The following PPFIBP2 variants were observed in gnomAD, a reference collection of about 807,000 sequenced individuals.
PPFIBP2 encodes the protein PPFIB scaffold protein 2, also known as liprin-beta-2.
A neutral mutation model predicts 118.3 loss-of-function variants in PPFIBP2; 118 were observed. The ratio of observed to expected loss-of-function variants is 1.00; its 90% CI spans 0.86 to 1.16. The LOEUF is 1.16. Among genes scored for constraint, PPFIBP2 ranks in the 50% most tolerant of loss-of-function variants. The pLI is 0.00. For missense variants in PPFIBP2, 1,195 were observed against 1,073.1 expected (o/e 1.11, Z -1.59); for synonymous variants, 414 against 397.4 (o/e 1.04, Z -0.50).
chr11:7,640,657 T>G (rs1852052882), intron 15 of PPFIBP2, among the ~76,000 whole-genome samples: 1 of 152,184 alleles, frequency 6.6e-6, no homozygotes, highest in Non-Finnish European at 1.5e-5. Context: ...CTAGTGACAC[T>G]CAAACTGGAC....
chr11:7,585,441 C>A (rs1565007495), intron 3 of PPFIBP2, among the ~76,000 whole-genome samples: 1 of 152,180 alleles, frequency 6.6e-6, no homozygotes, highest in Non-Finnish European at 1.5e-5. Flanking sequence ...ACTCTGGAAC[C>A]AACTCCTTCC....
At chr11:7,537,062 TC>T (rs1328850781) in intron 1 of PPFIBP2, among the ~76,000 whole-genome samples, 1 of 151,938 alleles carries the variant, frequency 6.6e-6, no homozygotes, top group Non-Finnish European at 1.5e-5. Context: ...TTCCTTCAGG[TC>T]CCCGCCTCCT....
intron 15 of PPFIBP2, among the ~76,000 whole-genome samples, 166 bp downstream of exon 15, chr11:7,640,036 C>A (rs568901503): frequency 8.5e-5 from 13 of 152,290 alleles, no homozygotes; most frequent in African/African-American, 3.1e-4. Flanking sequence ...CCCAGAGGCT[C>A]CCCCTGGGCG....
intron 12 of PPFIBP2, among the ~76,000 whole-genome samples, chr11:7,633,216 T>C (rs139125556): frequency 9.3e-4 from 141 of 152,322 alleles, no homozygotes; most frequent in African/African-American, 3.3e-3. Flanking sequence ...CTGTGTCTTA[T>C]AGCAGCTCCT....
chr11:7,665,971 T>G, the PPFIBP2 span: 1 of 1,484,532 alleles, frequency 6.7e-7, no homozygotes, highest in African/African-American at 1.4e-5. Context: ...CCGGGAGCAG[T>G]GTGAGAGGCG....
At chr11:7,587,551 G>C (rs1858424336) in intron 3 of PPFIBP2, among the ~76,000 whole-genome samples, 2 of 152,248 alleles carry the variant, frequency 1.3e-5, no homozygotes, top group South Asian at 2.1e-4. Flanking sequence ...GGAAGGGCTG[G>C]AATATATCTC....
intron 1 of PPFIBP2, among the ~76,000 whole-genome samples, chr11:7,523,617 A>T (rs80211582): frequency 1.3e-5 from 2 of 152,120 alleles, no homozygotes; most frequent in Non-Finnish European, 2.9e-5. Context: ...ACAGACGTAG[A>T]TTTGCACTTC....
chr11:7,639,659 C>A, intron 14 of PPFIBP2, 73 bp from the exon 15 acceptor site: 3 of 1,594,332 alleles, frequency 1.9e-6, no homozygotes, highest in South Asian at 2.2e-5. Flanking sequence ...GGGAGTTGTT[C>A]TGTATCCAAG....
intron 3 of PPFIBP2, among the ~76,000 whole-genome samples, chr11:7,574,676 A>AGT (rs1856067905): frequency 6.6e-6 from 1 of 152,160 alleles, no homozygotes; most frequent in South Asian, 2.1e-4. Flanking sequence ...TTGCCAGGCC[A>AGT]GTGTGATGAG....
intron 6 of PPFIBP2, among the ~76,000 whole-genome samples, chr11:7,620,452 C>T (rs1258607147): frequency 2.0e-5 from 3 of 152,168 alleles, no homozygotes; most frequent in Non-Finnish European, 4.4e-5. Flanking sequence ...AACATTTGTT[C>T]CCTTAGGGTT....
intron 6 of PPFIBP2, among the ~76,000 whole-genome samples, chr11:7,611,280 G>A (rs35382982): frequency 0.12 from 18,245 of 152,150 alleles, 1,327 homozygotes; most frequent in African/African-American, 0.19. Flanking sequence ...AAATAAAATC[G>A]TGAAAGTTAA....
At chr11:7,653,947 C>T (rs1364861183), downstream of PPFIBP2, among the ~76,000 whole-genome samples, 2 of 152,134 alleles carry the variant, frequency 1.3e-5, no homozygotes, top group Non-Finnish European at 2.9e-5. Context: ...AGAGGAGGTC[C>T]GTGGCCGCAC....
chr11:7,622,715 T>C (rs541507266), intron 7 of PPFIBP2, among the ~76,000 whole-genome samples: 1 of 152,198 alleles, frequency 6.6e-6, no homozygotes, highest in Admixed American at 6.5e-5. Flanking sequence ...TGTATCTGAG[T>C]GTAGTTTTGT....
chr11:7,546,883 T>C (rs891309269), intron 1 of PPFIBP2, among the ~76,000 whole-genome samples: 2 of 152,244 alleles, frequency 1.3e-5, no homozygotes, highest in African/African-American at 4.8e-5. Context: ...GTCATAATTA[T>C]TTGTTCATAC....
intron 5 of PPFIBP2, among the ~76,000 whole-genome samples, chr11:7,602,402 A>G (rs576396128): frequency 1.3e-5 from 2 of 152,312 alleles, no homozygotes; most frequent in African/African-American, 4.8e-5. Flanking sequence ...GGTCTGTGAT[A>G]TAATCGAGGC....
chr11:7,528,025 T>C (rs988904123), intron 1 of PPFIBP2, among the ~76,000 whole-genome samples: 1 of 152,168 alleles, frequency 6.6e-6, no homozygotes, highest in Admixed American at 6.5e-5. Context: ...CATCTCAAGT[T>C]TCCCTAGGTG....
Position 7,616,967 on chromosome 11 carries a change from G to A in PPFIBP2, c.619-3968G>A. ...ATGTCTTTTGGTTCTGTTGTGGAAAGTGGAGGGCCGTCGACAGTGACCACT... is the reference window on the plus strand; with the variant it reads ...ATGTCTTTTGGTTCTGTTGTGGAAAATGGAGGGCCGTCGACAGTGACCACT... On this transcript the variant is annotated intron_variant, in intron 6 of 23. Coordinates refer to ENST00000299492, the MANE Select transcript of PPFIBP2 (RefSeq NM_003621.5). This position sits in a 1 kb window ranked among gnomAD's most constrained non-coding sequence, Gnocchi z 5.2. The A allele has an allele frequency of 4.3e-6, 1 of 230,374 alleles. No individual in the cohort carries two copies. The highest frequency in any genetic ancestry group is 7.2e-6 in the Non-Finnish European group (1 of 139,604). 14.3% of individuals were successfully genotyped at this position (230,374 alleles called of 1,614,324 possible). A position where few individuals can be genotyped will look rare whatever the true frequency, so the allele number is the denominator to read the frequency against.
At chr11:7,550,800 A>G (rs542442115) in intron 2 of PPFIBP2, among the ~76,000 whole-genome samples, 78 of 152,262 alleles carry the variant, frequency 5.1e-4, no homozygotes, top group African/African-American at 1.8e-3. Flanking sequence ...ACCATCTAAT[A>G]AGCTGCCAAC....
At chr11:7,571,671 G>A (rs1007378933) in intron 3 of PPFIBP2, 9 of 152,248 alleles carry the variant, frequency 5.9e-5, no homozygotes, top group South Asian at 2.1e-4. Context: ...TGTGTGAGCC[G>A]ATTTCCAGCA....
Sources: gnomAD v4.1 joint callset for allele counts (sites outside exome capture counted in the v4.1 genomes callset) on GRCh38, gnomAD v4.1.1 for gene constraint, Gnocchi (gnomAD v3.1) non-coding constraint, MANE v1.5 for transcripts, NCBI Gene and HGNC (gene_info 2026-07-23, HGNC 2026-07-21) for gene names.